The following GPC6 variants were observed in gnomAD, a reference collection of about 807,000 sequenced individuals.
The protein encoded by GPC6 is glypican 6.
A neutral mutation model predicts 55.2 loss-of-function variants in GPC6; 14 were observed. The ratio of observed to expected loss-of-function variants is 0.25; its 90% CI spans 0.17 to 0.40. The LOEUF (loss-of-function observed/expected upper bound fraction) is 0.40, where lower values mean the gene tolerates loss of function less well. Among genes scored for constraint, GPC6 ranks in the 10% least tolerant of loss-of-function variants. GPC6 has a pLI of 1.00. For synonymous variants in GPC6, 278 were observed against 259.6 expected (o/e 1.07, Z -0.68); for missense variants, 641 against 708.5 (o/e 0.90, Z 1.08).
intron 2 of GPC6, among the ~76,000 whole-genome samples, chr13:93,746,775 C>G (rs938142663): frequency 6.6e-6 from 1 of 152,136 alleles, no homozygotes; most frequent in Non-Finnish European, 1.5e-5. Flanking sequence ...GGTGCAACAG[C>G]TGGGTTCAAA....
chr13:93,613,471 A>G (rs72641660), intron 2 of GPC6, among the ~76,000 whole-genome samples: 1,860 of 151,670 alleles, frequency 0.012, 20 homozygotes, highest in Middle Eastern at 0.034. Flanking sequence ...TAGTCACATT[A>G]ACCATCTCTT....
intron 2 of GPC6, among the ~76,000 whole-genome samples, chr13:93,711,207 T>C (rs1268256770): frequency 6.6e-6 from 1 of 151,840 alleles, no homozygotes; most frequent in South Asian, 2.1e-4. Flanking sequence ...TTTCAAGGTC[T>C]TGTGTAGCTG....
chr13:94,107,823 C>T (rs1346795048), intron 4 of GPC6, among the ~76,000 whole-genome samples: 2 of 151,940 alleles, frequency 1.3e-5, no homozygotes, highest in African/African-American at 4.8e-5. Context: ...AAATGCAAAT[C>T]AAAACCACAA....
intron 2 of GPC6, among the ~76,000 whole-genome samples, chr13:93,785,717 TTGGAAGGCTGAGGTGG>T (rs1294604472): frequency 1.3e-5 from 2 of 152,120 alleles, no homozygotes; most frequent in Non-Finnish European, 2.9e-5. Context: ...TCCCAGCACT[TTGGAAGGCTGAGGTGG>T]GAGGATCATC....
intron 2 of GPC6, among the ~76,000 whole-genome samples, chr13:93,772,739 G>A (rs1248262973): frequency 6.6e-6 from 1 of 152,070 alleles, no homozygotes; most frequent in East Asian, 1.9e-4. Flanking sequence ...GTCCTGCACA[G>A]GGTCTTGCCA....
chr13:93,830,854 T>C (rs1220414443), intron 3 of GPC6: 5 of 308,126 alleles, frequency 1.6e-5, no homozygotes, highest in African/African-American at 2.2e-5. Flanking sequence ...CTATGATCAT[T>C]TGATATTTCT....
Position 94,401,483 on chromosome 13 carries a change from G to A in GPC6, c.1466-1532G>A, listed in dbSNP as rs552746455. On this transcript the variant is annotated intron_variant, in intron 8 of 8. Transcript: ENST00000377047. ...GGAAGAAAGCAAGTTGGGCAGGAAG[G>A]GACGATGCTACCCTGGGTCGACATA... Among the ~76,000 whole-genome samples the A allele has an allele frequency of 4.6e-5, 7 of 152,208 alleles. No individual in the cohort carries two copies. The East Asian group carries it at 1.4e-3, about 30-fold the overall frequency.
rs1454925519 is a variant in GPC6, at chr13:93,354,361, T to TTGTTTTTTG, written c.160+126746_160+126747insGTTTTTTGT. Among the ~76,000 whole-genome samples the TTGTTTTTTG allele has an allele frequency of 1.3e-3, 184 of 146,062 alleles. 4 individuals are homozygous for TTGTTTTTTG. The highest frequency in any genetic ancestry group is 9.8e-3 in the East Asian group (47 of 4,780). On this transcript the variant is annotated intron_variant, in intron 1 of 8. Coordinates refer to ENST00000377047, the MANE Select transcript of GPC6 (RefSeq NM_005708.5). ...CTTCCGTTGGTAGATTTTTTTTTTT[T>TTGTTTTTTG]TTTTTTTGAGACAGAGTCTCGCTGT...
chr13:94,284,232 T>C (rs940890994), intron 4 of GPC6, among the ~76,000 whole-genome samples: 6 of 152,150 alleles, frequency 3.9e-5, no homozygotes, highest in African/African-American at 7.2e-5. Context: ...TGAGGCCTTT[T>C]CCAAGTCCCA....
At chr13:93,924,051 A>C (rs1354591305) in intron 3 of GPC6, among the ~76,000 whole-genome samples, 1 of 152,192 alleles carries the variant, frequency 6.6e-6, no homozygotes, top group Non-Finnish European at 1.5e-5. Context: ...AGTGTGCCCG[A>C]GGCCTCATTT....
intron 6 of GPC6, among the ~76,000 whole-genome samples, chr13:94,328,946 G>A (rs376893609): frequency 2.6e-4 from 40 of 152,340 alleles, no homozygotes; most frequent in African/African-American, 8.2e-4. Context: ...GCTTCTGTGT[G>A]AGTGTGAAAT....
Position 93,351,817 on chromosome 13 carries a change from T to C in GPC6, c.160+124201T>C, listed in dbSNP as rs377611665. Among the ~76,000 whole-genome samples the C allele has an allele frequency of 1.1e-4, 17 of 152,282 alleles. No homozygotes were observed. In the East Asian group the frequency reaches 1.2e-3, roughly 10 times the overall value. On this transcript the variant is annotated intron_variant, in intron 1 of 8. Transcript: ENST00000377047. ...AACCACCGTTGATTACGTTAGCTGC[T>C]GCATTTGTCTTCACTTTTCTGAGTA...
intron 5 of GPC6, among the ~76,000 whole-genome samples, chr13:94,290,447 AAAG>A (rs1566640058): frequency 3.3e-5 from 5 of 150,438 alleles, no homozygotes; most frequent in Admixed American, 1.3e-4. Context: ...AAAAAAAAAA[AAAG>A]AAAAAGAAAA....
At chr13:94,258,473 A>G (rs1891564925) in intron 4 of GPC6, among the ~76,000 whole-genome samples, 1 of 152,230 alleles carries the variant, frequency 6.6e-6, no homozygotes. Flanking sequence ...GGTTTTGATC[A>G]ATTAAAACAT....
At chr13:93,362,691 T>A (rs57419451) in intron 1 of GPC6, among the ~76,000 whole-genome samples, 3,793 of 75,894 alleles carry the variant, frequency 0.05, 55 homozygotes, top group African/African-American at 0.093. Flanking sequence ...AAAAAAAAAA[T>A]TTTTTTTAAA....
At chr13:94,100,722 G>A (rs1366015424) in intron 4 of GPC6, among the ~76,000 whole-genome samples, 1 of 149,062 alleles carries the variant, frequency 6.7e-6, no homozygotes, top group African/African-American at 2.4e-5. Context: ...ATTAGTGGGT[G>A]ATAGAAAGTA....
chr13:93,832,294 A>G (rs1311108072), intron 3 of GPC6, among the ~76,000 whole-genome samples: 3 of 150,904 alleles, frequency 2.0e-5, no homozygotes, highest in South Asian at 2.1e-4. Flanking sequence ...AGTGTAGAAA[A>G]TAAATATGCA....
At chr13:93,279,313 A>G (rs1185923377) in intron 1 of GPC6, among the ~76,000 whole-genome samples, 1 of 152,178 alleles carries the variant, frequency 6.6e-6, no homozygotes, top group Admixed American at 6.5e-5. Flanking sequence ...CCCCATTTTG[A>G]GAACTATTGT....
intron 1 of GPC6, among the ~76,000 whole-genome samples, chr13:93,466,223 A>C (rs553555628): frequency 4.6e-5 from 7 of 152,078 alleles, no homozygotes; most frequent in Admixed American, 3.3e-4. Flanking sequence ...GTAAAAAAAA[A>C]CAGTATCTGT....
Sources: gnomAD v4.1 joint callset for allele counts (sites outside exome capture counted in the v4.1 genomes callset) on GRCh38, gnomAD v4.1.1 for gene constraint, MANE v1.5 for transcripts, NCBI Gene and HGNC (gene_info 2026-07-23, HGNC 2026-07-21) for gene names.